Variants in CHRM3 observed in about 807,000 individuals in gnomAD.
The protein encoded by CHRM3 is cholinergic receptor muscarinic 3.
In CHRM3, 11 loss-of-function variants were observed where a neutral mutation model predicts 41.8. The ratio of observed to expected loss-of-function variants is 0.26; its 90% CI spans 0.17 to 0.44. CHRM3 has a LOEUF of 0.44. Ranked by LOEUF, CHRM3 falls within the 20% of genes least tolerant of loss-of-function variation. The pLI, the probability that CHRM3 is intolerant of heterozygous loss-of-function variation, is 1.00. For synonymous variants in CHRM3, 297 were observed against 301.4 expected (o/e 0.99, Z 0.15); for missense variants, 571 against 745.4 (o/e 0.77, Z 2.72).
intron 6 of CHRM3, among the ~76,000 whole-genome samples, chr1:239,833,784 G>A (rs945723764): frequency 1.3e-5 from 2 of 152,148 alleles, no homozygotes; most frequent in African/African-American, 2.4e-5. Flanking sequence ...TCCTTCTGGA[G>A]CTTCTGGAGC....
chr1:239,755,339 G>T (rs1666152110), intron 5 of CHRM3, among the ~76,000 whole-genome samples: 1 of 152,150 alleles, frequency 6.6e-6, no homozygotes, highest in South Asian at 2.1e-4. Flanking sequence ...CACTTATCAG[G>T]AAGTGAGTTA....
At chr1:239,415,679 G>A (rs6694171) in intron 1 of CHRM3, among the ~76,000 whole-genome samples, 2,481 of 152,230 alleles carry the variant, frequency 0.016, 26 homozygotes, top group Middle Eastern at 0.051. Flanking sequence ...ATTTTAATTA[G>A]CAAATGAAGC....
chr1:239,450,754 G>A (rs531247919), intron 1 of CHRM3, among the ~76,000 whole-genome samples: 48 of 152,274 alleles, frequency 3.2e-4, no homozygotes, highest in African/African-American at 1.1e-3. Context: ...GGCAGTAATG[G>A]CCATTTTCAC....
intron 1 of CHRM3, among the ~76,000 whole-genome samples, chr1:239,492,189 A>G (rs1667596373): frequency 2.0e-5 from 3 of 152,114 alleles, no homozygotes; most frequent in Admixed American, 1.3e-4. Flanking sequence ...ATTGCTCTTT[A>G]CTTCCAAAAA....
chr1:239,616,656 A>G (rs572681571), intron 3 of CHRM3, among the ~76,000 whole-genome samples: 2 of 152,274 alleles, frequency 1.3e-5, no homozygotes. Flanking sequence ...GCTGTACAAC[A>G]GGAATTGCCA....
rs1487080979 is a variant in CHRM3, at chr1:239,614,833, G to T, written c.-312-17391G>T. 3.3e-5 allele frequency among the ~76,000 whole-genome samples: 5 copies of T among 152,212 alleles called. No individual in the cohort carries two copies. The East Asian group carries it at 9.6e-4, about 29-fold the overall frequency. The stretch of plus-strand genomic sequence containing the variant: ...GTGTGCTTTAATTTACACAAAAGGT[G>T]GGAATGATTTTATGGATTGCAGATA... On this transcript the variant is annotated intron_variant, in intron 3 of 6. Transcript: ENST00000676153.
intron 3 of CHRM3, among the ~76,000 whole-genome samples, chr1:239,567,106 A>G (rs1021378492): frequency 5.9e-5 from 9 of 152,140 alleles, no homozygotes; most frequent in Non-Finnish European, 8.8e-5. Flanking sequence ...CAAAATTGCA[A>G]TTACCCTATT....
intron 5 of CHRM3, among the ~76,000 whole-genome samples, chr1:239,805,821 T>C (rs1325416638): frequency 4.6e-5 from 7 of 152,234 alleles, no homozygotes; most frequent in Non-Finnish European, 7.3e-5. Flanking sequence ...AAGATTATTA[T>C]TGGCCTCATT....
At chr1:239,842,391 T>A (rs1572460967) in intron 6 of CHRM3, among the ~76,000 whole-genome samples, 1 of 152,104 alleles carries the variant, frequency 6.6e-6, no homozygotes, top group East Asian at 1.9e-4. Flanking sequence ...CCCGCCATCA[T>A]GCCTGGCTAA....
At chr1:239,566,107 G>T (rs1489405535) in intron 3 of CHRM3, among the ~76,000 whole-genome samples, 3 of 151,556 alleles carry the variant, frequency 2.0e-5, no homozygotes, top group Non-Finnish European at 2.9e-5. Context: ...TATAGACAGG[G>T]CTTGCTATAC....
intron 6 of CHRM3, among the ~76,000 whole-genome samples, chr1:239,877,651 G>A (rs1677218125): frequency 6.6e-6 from 1 of 152,248 alleles, no homozygotes; most frequent in East Asian, 1.9e-4. Flanking sequence ...TCTTAAGGCC[G>A]TACAGCTCTG....
chr1:239,435,403 T>C (rs554105589), intron 1 of CHRM3, among the ~76,000 whole-genome samples: 12 of 151,148 alleles, frequency 7.9e-5, no homozygotes, highest in Non-Finnish European at 1.5e-4. Context: ...GAGCCGAGAT[T>C]GCACCACTGC....
At chr1:239,411,702 G>A (rs1256617339) in intron 1 of CHRM3, among the ~76,000 whole-genome samples, 2 of 122,548 alleles carry the variant, frequency 1.6e-5, no homozygotes, top group Non-Finnish European at 3.2e-5. Context: ...TCCAGCCTGG[G>A]CGACAGAGCC....
intron 5 of CHRM3, among the ~76,000 whole-genome samples, chr1:239,824,418 G>T (rs1247653213): frequency 6.6e-6 from 1 of 152,114 alleles, no homozygotes; most frequent in Non-Finnish European, 1.5e-5. Context: ...CGATACTTGT[G>T]CAATGCCAAT....
rs146555108 is a variant in CHRM3, at chr1:239,462,336, C to T, written c.-520-30373C>T. 5.3e-5 allele frequency among the ~76,000 whole-genome samples: 8 copies of T among 152,132 alleles called. 1 individual carries two copies. Among genetic ancestry groups the T allele is most frequent in the African/African-American group, 1.2e-4 (5 of 41,510 alleles). ...GGTTATACCAGGTTAGTCATATCCACGAGAACCAGTTTTTGTTATCCAAAG... is the reference window on the plus strand; with the variant it reads ...GGTTATACCAGGTTAGTCATATCCATGAGAACCAGTTTTTGTTATCCAAAG... On this transcript the variant is annotated intron_variant, in intron 1 of 6. Transcript: ENST00000676153.
chr1:239,721,030 G>A (rs1662921026), intron 5 of CHRM3, among the ~76,000 whole-genome samples: 1 of 151,858 alleles, frequency 6.6e-6, no homozygotes, highest in Non-Finnish European at 1.5e-5. Flanking sequence ...ATTGTATATT[G>A]TGACATGTTT....
chr1:239,621,191 T>C (rs1668320592), intron 3 of CHRM3, among the ~76,000 whole-genome samples: 1 of 152,190 alleles, frequency 6.6e-6, no homozygotes, highest in Non-Finnish European at 1.5e-5. Context: ...ACCACTCCCA[T>C]ATAAAATAGC....
At chr1:239,414,888 C>A (rs1373485833) in intron 1 of CHRM3, among the ~76,000 whole-genome samples, 5 of 152,140 alleles carry the variant, frequency 3.3e-5, no homozygotes, top group African/African-American at 9.7e-5. Flanking sequence ...TCTGTGTATT[C>A]TAAGTACTTC....
chr1:239,888,693 A>G (rs1360214094), intron 6 of CHRM3, among the ~76,000 whole-genome samples: 2 of 152,084 alleles, frequency 1.3e-5, no homozygotes, highest in African/African-American at 2.4e-5. Context: ...CGATGCCTTC[A>G]TGGGGAGAAA....
Sources: allele counts gnomAD v4.1 joint callset (sites outside exome capture counted in the v4.1 genomes callset), GRCh38; gene constraint gnomAD v4.1.1; transcripts MANE v1.5; gene names NCBI Gene and HGNC (gene_info 2026-07-23, HGNC 2026-07-21).